Variants in IMMP2L observed in about 807,000 individuals in gnomAD.
IMMP2L encodes the protein inner mitochondrial membrane peptidase subunit 2.
Under a neutral mutation model 19.3 loss-of-function variants are expected in IMMP2L, and 18 were observed. That is an observed-to-expected ratio of 0.93 (90% confidence interval 0.64 to 1.38). The LOEUF (loss-of-function observed/expected upper bound fraction) is 1.38. Among genes scored for constraint, IMMP2L ranks in the 40% most tolerant of loss-of-function variants. The pLI is 0.00. For synonymous variants in IMMP2L, 76 were observed against 73.0 expected, an observed-to-expected ratio of 1.04 and a Z score of -0.21; for missense variants, 233 against 218.2, an observed-to-expected ratio of 1.07 and a Z score of -0.43.
intron 3 of IMMP2L, among the ~76,000 whole-genome samples, chr7:111,212,354 A>G (rs1811419229): frequency 6.6e-6 from 1 of 152,174 alleles, no homozygotes. Context: ...CACGCCTGTA[A>G]TCCAAGCAGT....
At chr7:111,363,473 T>C (rs1829448796) in intron 3 of IMMP2L, among the ~76,000 whole-genome samples, 1 of 152,132 alleles carries the variant, frequency 6.6e-6, no homozygotes, top group Non-Finnish European at 1.5e-5. Context: ...TTGATCATAA[T>C]AAAGTAACCC....
chr7:110,683,415 T>C (rs1445571754), intron 5 of IMMP2L, among the ~76,000 whole-genome samples: 3 of 152,156 alleles, frequency 2.0e-5, no homozygotes, highest in Non-Finnish European at 2.9e-5. Flanking sequence ...AAAAAAACTT[T>C]TGTTTAGTGA....
intron 3 of IMMP2L, among the ~76,000 whole-genome samples, chr7:111,282,227 T>A (rs1819967140): frequency 2.6e-5 from 4 of 152,168 alleles, no homozygotes; most frequent in Admixed American, 2.6e-4. Context: ...AGTATGAGGA[T>A]CTCCACTGTT....
chr7:111,470,554 T>C (rs1415726603), intron 3 of IMMP2L, among the ~76,000 whole-genome samples: 1 of 151,804 alleles, frequency 6.6e-6, no homozygotes, highest in East Asian at 1.9e-4. Flanking sequence ...TAAAAAATGA[T>C]GAGTTCATGT....
chr7:110,852,172 C>A (rs1806288127), intron 5 of IMMP2L, among the ~76,000 whole-genome samples: 2 of 151,488 alleles, frequency 1.3e-5, no homozygotes, highest in South Asian at 4.2e-4. Context: ...ACAATTTAGA[C>A]TGCCACAGGA....
intron 3 of IMMP2L, among the ~76,000 whole-genome samples, chr7:111,237,258 G>A (rs971898615): frequency 6.6e-6 from 1 of 152,046 alleles, no homozygotes; most frequent in Non-Finnish European, 1.5e-5. Context: ...AAAGGAAGAA[G>A]AAAACAATGC....
intron 5 of IMMP2L, among the ~76,000 whole-genome samples, chr7:110,807,531 A>C (rs1237736413): frequency 6.6e-6 from 1 of 152,054 alleles, no homozygotes; most frequent in Non-Finnish European, 1.5e-5. Flanking sequence ...TAACCAAGTA[A>C]ATATTTGATA....
rs1030763646 is a variant in IMMP2L, at chr7:111,277,585, G to A, written c.239+209653C>T. ...CTCATTTAAAAAAAAAAAAAAAAAA[G>A]TCTGAAAACAACAGATGTTGGCAAA... On this transcript the variant is annotated intron_variant, in intron 3 of 5. Coordinates refer to ENST00000405709, the MANE Select transcript of IMMP2L (RefSeq NM_032549.4). 2.6e-3 allele frequency among the ~76,000 whole-genome samples: 368 copies of A among 140,628 alleles called. 1 individual carries two copies. Among genetic ancestry groups the A allele is most frequent in the African/African-American group, 8.2e-3 (314 of 38,142 alleles). 92.3% of individuals were successfully genotyped at this position (140,628 alleles called of 152,430 possible).
chr7:111,275,513 T>C (rs971934859), intron 3 of IMMP2L, among the ~76,000 whole-genome samples: 12 of 152,134 alleles, frequency 7.9e-5, no homozygotes, highest in Non-Finnish European at 1.8e-4. Flanking sequence ...ATACTGAAAA[T>C]GTAATAATAC....
intron 2 of IMMP2L, among the ~76,000 whole-genome samples, chr7:111,504,631 T>C: frequency 6.6e-6 from 1 of 151,874 alleles, no homozygotes; most frequent in African/African-American, 2.4e-5. Flanking sequence ...GAGATATAGA[T>C]TAATGGAACA....
At chr7:111,240,925 T>C (rs113048159) in intron 3 of IMMP2L, among the ~76,000 whole-genome samples, 6,627 of 152,002 alleles carry the variant, frequency 0.044, 218 homozygotes, top group South Asian at 0.083. Context: ...AGACAGGTGC[T>C]ATAAACACCA....
chr7:111,057,850 G>A lies in IMMP2L; in HGVS notation c.240-94285C>T, dbSNP rs1010168333. Reference sequence around the variant, plus strand: ...AACTTCTTTCTTTAATGTAAAACATGTGGCCATTATAAAACATTCTTGTTC... The same window carrying A: ...AACTTCTTTCTTTAATGTAAAACATATGGCCATTATAAAACATTCTTGTTC... On this transcript the variant is annotated intron_variant, in intron 3 of 5. Transcript: ENST00000405709. 1.2e-4 allele frequency among the ~76,000 whole-genome samples: 19 copies of A among 152,228 alleles called. No homozygotes were observed. In the East Asian group the frequency reaches 3.5e-3, roughly 28 times the overall value.
Position 111,122,522 on chromosome 7 carries a change from C to A in IMMP2L, c.240-158957G>T, listed in dbSNP as rs1800772943. The stretch of plus-strand genomic sequence containing the variant: ...CTATGACCATCTATACATACTCCAC[C>A]TTCAAAAAGTACATCAATATTATAT... On this transcript the variant is annotated intron_variant, in intron 3 of 5. Transcript: ENST00000405709. 2 of 452,736 alleles carry A rather than the reference C, an allele frequency of 4.4e-6. 1 individual carries two copies. Among genetic ancestry groups the A allele is most frequent in the East Asian group, 7.2e-5 (2 of 27,776 alleles). The allele number at this position is 452,736 out of a possible 1,614,324, so 28.0% of individuals were successfully genotyped here.
At chr7:111,255,985 A>G (rs1289466584) in intron 3 of IMMP2L, among the ~76,000 whole-genome samples, 1 of 152,084 alleles carries the variant, frequency 6.6e-6, no homozygotes, top group African/African-American at 2.4e-5. Flanking sequence ...AACTTTTCAA[A>G]GATATTTAAT....
At chr7:111,193,691 A>T (rs1272981139) in intron 3 of IMMP2L, among the ~76,000 whole-genome samples, 1 of 152,184 alleles carries the variant, frequency 6.6e-6, no homozygotes, top group Non-Finnish European at 1.5e-5. Flanking sequence ...TCTTCATTTA[A>T]GTGGGAAAAA....
At chr7:111,506,384 C>T (rs2132511528) in intron 2 of IMMP2L, among the ~76,000 whole-genome samples, 1 of 151,994 alleles carries the variant, frequency 6.6e-6, no homozygotes, top group South Asian at 2.1e-4. Flanking sequence ...TCATTCCATT[C>T]CCCCCAAAAC....
chr7:111,341,609 TA>T (rs1827016704), intron 3 of IMMP2L, among the ~76,000 whole-genome samples: 1 of 152,134 alleles, frequency 6.6e-6, no homozygotes, highest in Non-Finnish European at 1.5e-5. Context: ...TCTTTATAAA[TA>T]ATTAGCCTTG....
intron 5 of IMMP2L, among the ~76,000 whole-genome samples, chr7:110,839,802 A>T (rs1022589762): frequency 6.6e-6 from 1 of 152,154 alleles, no homozygotes; most frequent in African/African-American, 2.4e-5. Flanking sequence ...TGCTTATATT[A>T]ATTAAGCAGA....
At chr7:110,912,954 T>G (rs1048189066) in intron 4 of IMMP2L, among the ~76,000 whole-genome samples, 1 of 151,972 alleles carries the variant, frequency 6.6e-6, no homozygotes. Context: ...AGAGAGGGAA[T>G]GGATAGTGGC....
Sources: allele counts gnomAD v4.1 joint callset (sites outside exome capture counted in the v4.1 genomes callset), GRCh38; gene constraint gnomAD v4.1.1; transcripts MANE v1.5; gene names NCBI Gene and HGNC (gene_info 2026-07-23, HGNC 2026-07-21).